CSMD3: variants seen among roughly 807,000 people sequenced by gnomAD.
The protein encoded by CSMD3 is CUB and Sushi multiple domains 3, also known as CUB and sushi domain-containing protein 3.
A neutral mutation model predicts 435.2 loss-of-function variants in CSMD3; 177 were observed. The observed-to-expected ratio is 0.41, with a 90% CI of 0.36 to 0.46. CSMD3 has a LOEUF of 0.46. Ranked by LOEUF, CSMD3 falls within the 20% of genes least tolerant of loss-of-function variation. The pLI, the probability that CSMD3 is intolerant of heterozygous loss-of-function variation, is 0.34. For missense variants in CSMD3, 4,265 were observed against 4,504.6 expected (o/e 0.95, Z 1.52); for synonymous variants, 1,656 against 1,520.5 (o/e 1.09, Z -2.07).
In CSMD3 at chr8:112,314,444, G is replaced by A. The variant is rs2130835876; in HGVS notation, c.7534C>T (p.Leu2512Phe). The A allele has an allele frequency of 6.2e-7, 1 of 1,607,174 alleles. No homozygotes were observed. The highest frequency in any genetic ancestry group is 8.5e-7 in the Non-Finnish European group (1 of 1,173,954). Residue 2512 changes from leucine to phenylalanine, a missense_variant, in exon 48 of 71, where the codon CTT becomes TTT. Leu to Phe is a conservative substitution (Grantham distance 22, BLOSUM62 0). This residue lies in a region of CSMD3 where 3,255 missense variants were observed against 3,380.2 expected (regional missense o/e 0.96). Transcript: ENST00000297405. ...FFQTEKEFDV[L>F]QVYDGPNIQS... ...CCTTGGTTACCATCATACACCTGAA[G>A]AACATCAAATTCCTTTTCTGTCTGG...
At chr8:112,908,230 G>A (rs1360032284) in intron 10 of CSMD3, among the ~76,000 whole-genome samples, 2 of 151,458 alleles carry the variant, frequency 1.3e-5, no homozygotes, top group African/African-American at 4.8e-5. Flanking sequence ...GTTATTAGAA[G>A]GGTATATCCT....
chr8:112,555,743 T>A (rs2131218425), intron 25 of CSMD3, among the ~76,000 whole-genome samples: 1 of 152,134 alleles, frequency 6.6e-6, no homozygotes, highest in Non-Finnish European at 1.5e-5. Flanking sequence ...CTATTTGTAT[T>A]CTAGCAAGTT....
intron 5 of CSMD3, among the ~76,000 whole-genome samples, chr8:113,087,211 A>G (rs890005127): frequency 2.6e-5 from 4 of 152,152 alleles, no homozygotes; most frequent in Non-Finnish European, 5.9e-5. Flanking sequence ...TTTTTTATGA[A>G]TCCACCAACT....
chr8:113,130,438 C>T (rs1184731402), intron 4 of CSMD3, among the ~76,000 whole-genome samples: 2 of 152,150 alleles, frequency 1.3e-5, no homozygotes, highest in Non-Finnish European at 2.9e-5. Flanking sequence ...CTTACCTCCT[C>T]TGTCTCTTCC....
rs2094603981 is a variant in CSMD3 at position 113,420,407 on chromosome 8, C to T, written c.178+16270G>A. Among the ~76,000 whole-genome samples the T allele has an allele frequency of 4.0e-5, 6 of 151,862 alleles. No individual in the cohort carries two copies. The South Asian group carries it at 1.2e-3, about 32-fold the overall frequency. ...ATGAGTACTTAAAAAAAATGTTATACATACGATAGTAAGACAGATAAAAAA... is the reference window on the plus strand; with the variant it reads ...ATGAGTACTTAAAAAAAATGTTATATATACGATAGTAAGACAGATAAAAAA... On this transcript the variant is annotated intron_variant, in intron 1 of 70. Coordinates refer to ENST00000297405, the MANE Select transcript of CSMD3 (RefSeq NM_198123.2).
At chr8:113,353,077 CAGTGATGATGGAGG>C (rs932808392) in intron 1 of CSMD3, among the ~76,000 whole-genome samples, 3 of 152,024 alleles carry the variant, frequency 2.0e-5, no homozygotes, top group Admixed American at 1.3e-4. Context: ...AAAGTAGTGC[CAGTGATGATGGAGG>C]AATGACTTCC....
chr8:112,760,046 C>T (rs2132142951), intron 13 of CSMD3, among the ~76,000 whole-genome samples: 1 of 152,160 alleles, frequency 6.6e-6, no homozygotes, highest in Non-Finnish European at 1.5e-5. Flanking sequence ...AATAATAAAC[C>T]AGGCCATGTG....
chr8:112,718,195 T>C (rs2076776059), intron 13 of CSMD3, among the ~76,000 whole-genome samples: 2 of 152,136 alleles, frequency 1.3e-5, no homozygotes, highest in South Asian at 2.1e-4. Context: ...TCATTTCCTC[T>C]AGTTTTGTAT....
Position 112,453,926 on chromosome 8 carries a change from T to C in CSMD3, c.5395+18665A>G, listed in dbSNP as rs565604022. On this transcript the variant is annotated intron_variant, in intron 32 of 70. Coordinates refer to ENST00000297405, the MANE Select transcript of CSMD3 (RefSeq NM_198123.2). ...GTACAAAAACAGACACATAGACCAA[T>C]GGAGCAGAATAGAAAACCCAGAAAT... is the stretch of plus-strand genomic sequence containing the variant. 8.5e-5 allele frequency among the ~76,000 whole-genome samples: 13 copies of C among 152,100 alleles called. No individual in the cohort carries two copies. In the East Asian group the frequency reaches 2.1e-3, roughly 25 times the overall value.
chr8:112,600,608 AC>A (rs1056497499), intron 22 of CSMD3, among the ~76,000 whole-genome samples: 5 of 152,216 alleles, frequency 3.3e-5, no homozygotes, highest in Non-Finnish European at 7.3e-5. Flanking sequence ...AAACGGTCAA[AC>A]CAAATTGTAG....
At chr8:112,959,983 T>TGTAA (rs1289048235) in intron 7 of CSMD3, among the ~76,000 whole-genome samples, 2 of 151,886 alleles carry the variant, frequency 1.3e-5, no homozygotes, top group East Asian at 3.8e-4. Flanking sequence ...TTCTAAGAGA[T>TGTAA]GTAATTCTTA....
At chr8:112,636,393 G>T (rs1328633940) in intron 22 of CSMD3, among the ~76,000 whole-genome samples, 9 of 152,014 alleles carry the variant, frequency 5.9e-5, no homozygotes. Flanking sequence ...ATAAAATATT[G>T]TCAAAACCTT....
intron 16 of CSMD3, among the ~76,000 whole-genome samples, chr8:112,669,192 C>T (rs1247677742): frequency 6.6e-6 from 1 of 151,852 alleles, no homozygotes; most frequent in African/African-American, 2.4e-5. Flanking sequence ...ACCACCACAC[C>T]CGGCTAATTT....
At chr8:112,273,558 T>C (rs943746705) in intron 59 of CSMD3, among the ~76,000 whole-genome samples, 1 of 151,764 alleles carries the variant, frequency 6.6e-6, no homozygotes, top group African/African-American at 2.4e-5. Flanking sequence ...ACCCCGTCTC[T>C]ACTAAAAATA....
At chr8:112,352,895 G>T (rs1048598690) in intron 38 of CSMD3, among the ~76,000 whole-genome samples, 1 of 151,992 alleles carries the variant, frequency 6.6e-6, no homozygotes, top group Non-Finnish European at 1.5e-5. Context: ...TATGATAATA[G>T]AAATAAATAA....
chr8:112,756,762 T>C (rs1219411834), intron 13 of CSMD3, among the ~76,000 whole-genome samples: 3 of 146,522 alleles, frequency 2.0e-5, no homozygotes, highest in Admixed American at 6.9e-5. Flanking sequence ...AAAAAAATTA[T>C]GTATTAATTT....
intron 32 of CSMD3, among the ~76,000 whole-genome samples, chr8:112,468,232 G>C (rs1190357821): frequency 1.7e-5 from 2 of 114,882 alleles, no homozygotes; most frequent in African/African-American, 6.5e-5. Flanking sequence ...ATTGCCTAAA[G>C]TATTTTTTTT....
At chr8:112,310,516 G>GA (rs369758978) in intron 50 of CSMD3, 10 of 229,092 alleles carry the variant, frequency 4.4e-5, no homozygotes, top group South Asian at 3.1e-4. Flanking sequence ...TACCACTGAA[G>GA]AAAAAAAATA....
At chr8:113,057,650 G>GT (rs2088405519) in intron 5 of CSMD3, among the ~76,000 whole-genome samples, 1 of 151,818 alleles carries the variant, frequency 6.6e-6, no homozygotes, top group Non-Finnish European at 1.5e-5. Context: ...AGAAAATTTT[G>GT]TTATTAGTAA....
Sources: gnomAD v4.1 joint callset for allele counts (sites outside exome capture counted in the v4.1 genomes callset) on GRCh38, gnomAD v4.1.1 for gene constraint, gnomAD v4.1.1 regional missense constraint, MANE v1.5 for transcripts, NCBI Gene and HGNC (gene_info 2026-07-23, HGNC 2026-07-21) for gene names.